AP1S3: variants seen among roughly 807,000 people sequenced by gnomAD.
The protein encoded by AP1S3 is AP-1 complex subunit sigma-3.
In AP1S3, 10 loss-of-function variants were observed where a neutral mutation model predicts 20.9. That is an observed-to-expected ratio of 0.48 (90% CI 0.29 to 0.81). The LOEUF (loss-of-function observed/expected upper bound fraction) is 0.81, where lower values mean the gene tolerates loss of function less well. Among genes scored for constraint, AP1S3 ranks in the 30% least tolerant of loss-of-function variants. The pLI, the probability that AP1S3 is intolerant of heterozygous loss-of-function variation, is 0.08. For missense variants in AP1S3, 154 were observed against 183.8 expected, an observed-to-expected ratio of 0.84 and a Z score of 0.94; for synonymous variants, 41 against 61.5, an observed-to-expected ratio of 0.67 and a Z score of 1.56.
intron 3 of AP1S3, among the ~76,000 whole-genome samples, chr2:223,772,307 G>A (rs903172634): frequency 6.6e-6 from 1 of 152,120 alleles, no homozygotes; most frequent in African/African-American, 2.4e-5. Context: ...ACACATGACA[G>A]GCCCCAAATC....
chr2:223,770,046 G>A (rs627678), intron 3 of AP1S3, among the ~76,000 whole-genome samples: 132,245 of 152,188 alleles, frequency 0.87, 57,895 homozygotes, highest in East Asian at 1. Context: ...GCCCGGCCGC[G>A]ATCCTATTTT....
chr2:223,773,968 C>G (rs10933017), intron 3 of AP1S3, among the ~76,000 whole-genome samples: 1 of 152,020 alleles, frequency 6.6e-6, no homozygotes, highest in African/African-American at 2.4e-5. Context: ...TCACAAAGCA[C>G]TGGTCTCAAG....
At chr2:223,825,618 A>G (rs1692110022) in intron 1 of AP1S3, among the ~76,000 whole-genome samples, 1 of 152,242 alleles carries the variant, frequency 6.6e-6, no homozygotes, top group South Asian at 2.1e-4. Flanking sequence ...TTTGCTATGC[A>G]TGTAAAAAAT....
At chr2:223,797,690 C>T (rs1323359000) in intron 1 of AP1S3, among the ~76,000 whole-genome samples, 5 of 152,038 alleles carry the variant, frequency 3.3e-5, no homozygotes, top group Admixed American at 2.6e-4. Flanking sequence ...CACTTGAACC[C>T]GGGGGGCAGG....
chr2:223,782,068 G>A (rs1038037106), intron 1 of AP1S3, among the ~76,000 whole-genome samples: 2 of 149,208 alleles, frequency 1.3e-5, no homozygotes, highest in Non-Finnish European at 3.0e-5. Flanking sequence ...CTGGAGGGCA[G>A]TGGCGCCATC....
At chr2:223,798,120 G>C (rs1203925647) in intron 1 of AP1S3, among the ~76,000 whole-genome samples, 1 of 152,074 alleles carries the variant, frequency 6.6e-6, no homozygotes, top group Non-Finnish European at 1.5e-5. Context: ...AAGATTGCCA[G>C]CTCAGGTTTC....
intron 3 of AP1S3, among the ~76,000 whole-genome samples, chr2:223,769,736 A>ATTTTTT (rs61207667): frequency 8.7e-5 from 7 of 80,122 alleles, no homozygotes; most frequent in Admixed American, 1.8e-4. Flanking sequence ...ATGCAATCCC[A>ATTTTTT]TTTTTTTTTT....
At chr2:223,797,891 T>C (rs991177676) in intron 1 of AP1S3, among the ~76,000 whole-genome samples, 2 of 152,250 alleles carry the variant, frequency 1.3e-5, no homozygotes, top group African/African-American at 2.4e-5. Flanking sequence ...AATCAGATGA[T>C]AGCTGGAGTC....
At chr2:223,820,242 A>G (rs987719008) in intron 1 of AP1S3, among the ~76,000 whole-genome samples, 1 of 152,176 alleles carries the variant, frequency 6.6e-6, no homozygotes, top group Non-Finnish European at 1.5e-5. Flanking sequence ...AGTGATTTAC[A>G]TAAGGGACCA....
chr2:223,820,837 C>T (rs73991873), intron 1 of AP1S3, among the ~76,000 whole-genome samples: 24,538 of 152,006 alleles, frequency 0.16, 2,517 homozygotes, highest in East Asian at 0.4. Flanking sequence ...AACTCATTCT[C>T]ATGGGCAGCC....
rs1690904773 is a variant in AP1S3, at chr2:223,780,333, AGAGAGAGAGAGAGAGAGAGAGAGAGTGT to A, written c.4-2492_4-2465del. Among the ~76,000 whole-genome samples the A allele has an allele frequency of 2.4e-5, 3 of 124,178 alleles. No individual in the cohort carries two copies. In the South Asian group the frequency reaches 8.6e-4, roughly 36 times the overall value. 81.5% of individuals were successfully genotyped at this position (124,178 alleles called of 152,430 possible). ...TAGAGAGAGAGAGAGAGAGAGAGAG[AGAGAGAGAGAGAGAGAGAGAGAGAGTGT>A]GTGTGTGTGTGTGTGTGTGTGTGTG... is the stretch of plus-strand genomic sequence containing the variant. On this transcript the variant is annotated intron_variant, in intron 1 of 4. Transcript: ENST00000396654.
intron 1 of AP1S3, among the ~76,000 whole-genome samples, chr2:223,833,434 T>C (rs1354092366): frequency 6.6e-6 from 1 of 152,186 alleles, no homozygotes; most frequent in Non-Finnish European, 1.5e-5. Context: ...AAAGGTGAGA[T>C]GGAGTACACA....
At chr2:223,778,116 T>TTTTG (rs747914985) in intron 1 of AP1S3, among the ~76,000 whole-genome samples, 4 of 151,314 alleles carry the variant, frequency 2.6e-5, no homozygotes, top group Non-Finnish European at 5.9e-5. Context: ...TTTTTGTTTT[T>TTTTG]TTTGTTTGTT....
intron 4 of AP1S3, among the ~76,000 whole-genome samples, chr2:223,764,203 G>C (rs1006812607): frequency 1.2e-4 from 17 of 141,884 alleles, no homozygotes; most frequent in African/African-American, 5.0e-4. Context: ...ACAGGAGTGA[G>C]CCACCGCATC....
chr2:223,764,588 C>T (rs1390507651), intron 4 of AP1S3, among the ~76,000 whole-genome samples: 1 of 152,036 alleles, frequency 6.6e-6, no homozygotes, highest in African/African-American at 2.4e-5. Context: ...GGCAAGCAAA[C>T]CACAGTGTTC....
At chr2:223,780,351 AGAGAGAGTGT>A (rs1477100586) in intron 1 of AP1S3, among the ~76,000 whole-genome samples, 28 of 62,206 alleles carry the variant, frequency 4.5e-4, no homozygotes, top group East Asian at 1.8e-3. Context: ...AGAGAGAGAG[AGAGAGAGTGT>A]GTGTGTGTGT....
At chr2:223,811,554 G>A (rs1225417685) in intron 1 of AP1S3, among the ~76,000 whole-genome samples, 5 of 146,576 alleles carry the variant, frequency 3.4e-5, no homozygotes, top group Non-Finnish European at 7.5e-5. Context: ...GGGTGACACA[G>A]TGAGACTCCA....
At chr2:223,810,120 C>T (rs959171216) in intron 1 of AP1S3, among the ~76,000 whole-genome samples, 5 of 152,060 alleles carry the variant, frequency 3.3e-5, no homozygotes, top group African/African-American at 1.2e-4. Context: ...GGGGAGAAGC[C>T]TCTACTCAAA....
intron 4 of AP1S3, among the ~76,000 whole-genome samples, chr2:223,759,563 GTA>G (rs1690303640): frequency 1.3e-5 from 2 of 152,150 alleles, no homozygotes; most frequent in South Asian, 4.1e-4. Context: ...AGGAAAAAAT[GTA>G]TAGTTTCTGC....
Sources: allele counts gnomAD v4.1 joint callset (sites outside exome capture counted in the v4.1 genomes callset), GRCh38; gene constraint gnomAD v4.1.1; transcripts MANE v1.5; gene names NCBI Gene and HGNC (gene_info 2026-07-23, HGNC 2026-07-21).